RBFOX1: variants seen among roughly 807,000 people sequenced by gnomAD.
RBFOX1 encodes RNA binding protein fox-1 homolog 1.
In RBFOX1, 8 loss-of-function variants were observed where a neutral mutation model predicts 57.7. That is an observed-to-expected ratio of 0.14 (90% confidence interval 0.08 to 0.25). The LOEUF is 0.25. Among genes scored for constraint, RBFOX1 ranks in the 10% least tolerant of loss-of-function variants. The pLI, the probability that RBFOX1 is intolerant of heterozygous loss-of-function variation, is 1.00. For synonymous variants in RBFOX1, 326 were observed against 222.4 expected (o/e 1.47, Z -4.15); for missense variants, 611 against 548.5 (o/e 1.11, Z -1.14).
rs1047224514 is a variant in RBFOX1 at position 6,687,710 on chromosome 16, C to T, written c.-16+33060C>T. Among the ~76,000 whole-genome samples the T allele has an allele frequency of 5.9e-5, 9 of 152,234 alleles. No homozygotes were observed. In the East Asian group the frequency reaches 9.7e-4, roughly 16 times the overall value. On this transcript the variant is annotated intron_variant, in intron 3 of 15. Transcript: ENST00000550418. ...CCTGTATGGTTTTTCAAAGTTGCAG[C>T]GGCCGGGGAGGACAGAGGATGGAAG...
intron 4 of RBFOX1, among the ~76,000 whole-genome samples, chr16:7,096,578 A>G (rs1189201026): frequency 2.6e-5 from 4 of 152,110 alleles, no homozygotes; most frequent in African/African-American, 7.2e-5. Flanking sequence ...CTGATACTCA[A>G]CATCCAACCC....
intron 2 of RBFOX1, among the ~76,000 whole-genome samples, chr16:6,363,321 G>A (rs1486383079): frequency 1.3e-5 from 2 of 152,052 alleles, no homozygotes; most frequent in African/African-American, 2.4e-5. Context: ...TGGCATAAAC[G>A]AAGGGCCGAG....
At chr16:5,810,252 C>A (rs955095606) in intron 3 of RBFOX1, among the ~76,000 whole-genome samples, 1 of 151,872 alleles carries the variant, frequency 6.6e-6, no homozygotes, top group Non-Finnish European at 1.5e-5. Context: ...GTGCAGCACA[C>A]CAGAATGGCA....
At chr16:6,754,535 C>G (rs546451021) in intron 3 of RBFOX1, among the ~76,000 whole-genome samples, 2 of 152,290 alleles carry the variant, frequency 1.3e-5, no homozygotes, top group African/African-American at 4.8e-5. Context: ...GCTCCCTCCT[C>G]TGCACTAATT....
intron 1 of RBFOX1, among the ~76,000 whole-genome samples, chr16:6,166,855 C>T (rs1300664151): frequency 6.6e-6 from 1 of 152,136 alleles, no homozygotes; most frequent in Admixed American, 6.5e-5. Flanking sequence ...CTCACTGCAA[C>T]CTCCACCTCC....
At chr16:5,691,846 G>T (rs948973207) in intron 3 of RBFOX1, among the ~76,000 whole-genome samples, 2 of 152,140 alleles carry the variant, frequency 1.3e-5, no homozygotes, top group African/African-American at 4.8e-5. Context: ...ACAAATAGGT[G>T]CCAGAGTTGG....
chr16:7,023,019 G>A (rs1053177682), intron 3 of RBFOX1, among the ~76,000 whole-genome samples: 1 of 152,162 alleles, frequency 6.6e-6, no homozygotes, highest in Non-Finnish European at 1.5e-5. Flanking sequence ...TAATGTGAAG[G>A]TTGAAAAATA....
chr16:5,961,567 G>A (rs1460313533), intron 4 of RBFOX1, among the ~76,000 whole-genome samples: 1 of 151,960 alleles, frequency 6.6e-6, no homozygotes, highest in Admixed American at 6.6e-5. Flanking sequence ...ATCACCCAGG[G>A]TAAGTGCAGT....
chr16:7,662,882 A>C (rs942677705), intron 12 of RBFOX1, among the ~76,000 whole-genome samples: 1 of 152,252 alleles, frequency 6.6e-6, no homozygotes, highest in Non-Finnish European at 1.5e-5. Context: ...GTCTCAAGTA[A>C]TATGTGCAAA....
At chr16:6,986,144 A>G (rs941439574) in intron 3 of RBFOX1, among the ~76,000 whole-genome samples, 1 of 146,180 alleles carries the variant, frequency 6.8e-6, no homozygotes, top group Non-Finnish European at 1.5e-5. Context: ...GACTTGTACA[A>G]TAACCCTTAT....
At chr16:6,532,149 G>T (rs1319341240) in intron 2 of RBFOX1, among the ~76,000 whole-genome samples, 1 of 152,094 alleles carries the variant, frequency 6.6e-6, no homozygotes, top group Non-Finnish European at 1.5e-5. Flanking sequence ...GCTCACCCTG[G>T]CTGGGAGAGC....
At chr16:6,779,929 A>C (rs1419174336) in intron 3 of RBFOX1, among the ~76,000 whole-genome samples, 1 of 14,206 alleles carries the variant, frequency 7.0e-5, no homozygotes, top group Non-Finnish European at 1.3e-4. Context: ...ATATATATTT[A>C]TATATATTTA....
At chr16:6,909,698 C>T (rs112833794) in intron 3 of RBFOX1, among the ~76,000 whole-genome samples, 266 of 152,288 alleles carry the variant, frequency 1.7e-3, no homozygotes, top group Non-Finnish European at 3.0e-3. Flanking sequence ...ACACGTGGTA[C>T]ATGCATGCTA....
chr16:6,552,675 A>T (rs1370350839), intron 2 of RBFOX1, among the ~76,000 whole-genome samples: 1 of 152,150 alleles, frequency 6.6e-6, no homozygotes, highest in African/African-American at 2.4e-5. Flanking sequence ...AAATTTGTAT[A>T]TTCCTTTTGT....
chr16:7,159,334 G>C (rs1199402866), intron 4 of RBFOX1, among the ~76,000 whole-genome samples: 1 of 152,146 alleles, frequency 6.6e-6, no homozygotes, highest in Non-Finnish European at 1.5e-5. Flanking sequence ...GACAGGGATT[G>C]AGAGGGGTGG....
rs9933113 is a variant in RBFOX1 at position 6,985,498 on chromosome 16, C to G, written c.-15-66559C>G. On this transcript the variant is annotated intron_variant, in intron 3 of 15. Transcript: ENST00000550418. Reference sequence around the variant, plus strand: ...CCACATCTCTTAAAAAATTAATTAACTAAAGAACACTATGTGTGGAAAATA... The same window carrying G: ...CCACATCTCTTAAAAAATTAATTAAGTAAAGAACACTATGTGTGGAAAATA... Among the ~76,000 whole-genome samples, 639 of 152,164 alleles carry G rather than the reference C, an allele frequency of 4.2e-3. 8 individuals are homozygous for G. Among genetic ancestry groups the G allele is most frequent in the African/African-American group, 0.015 (610 of 41,524 alleles).
intron 3 of RBFOX1, among the ~76,000 whole-genome samples, chr16:6,943,538 C>T (rs948670713): frequency 1.3e-5 from 2 of 152,028 alleles, no homozygotes; most frequent in African/African-American, 4.8e-5. Context: ...GAAACCCCAT[C>T]TCTACTAAAA....
At chr16:7,067,494 G>A (rs887304690) in intron 4 of RBFOX1, among the ~76,000 whole-genome samples, 1 of 149,658 alleles carries the variant, frequency 6.7e-6, no homozygotes, top group Admixed American at 6.7e-5. Context: ...CCAATTCCCT[G>A]TAGTTGTAGA....
At chr16:6,752,647 C>T (rs938165762) in intron 3 of RBFOX1, among the ~76,000 whole-genome samples, 8 of 152,192 alleles carry the variant, frequency 5.3e-5, no homozygotes, top group Non-Finnish European at 2.9e-5. Context: ...TTCCCCTGCT[C>T]TGGAATACCG....
Sources: allele counts gnomAD v4.1 joint callset (sites outside exome capture counted in the v4.1 genomes callset), GRCh38; gene constraint gnomAD v4.1.1; transcripts MANE v1.5; gene names NCBI Gene and HGNC (gene_info 2026-07-23, HGNC 2026-07-21).